The following DOCK3 variants were observed in gnomAD, a reference collection of about 807,000 sequenced individuals.
DOCK3 encodes the protein dedicator of cytokinesis protein 3.
DOCK3 carries 60 observed loss-of-function variants against 265.6 expected under a neutral mutation model. That is an observed-to-expected ratio of 0.23 (90% CI 0.18 to 0.28). DOCK3 has a LOEUF of 0.28. DOCK3 is among the 10% of genes least tolerant of loss of function. The pLI is 1.00. For missense variants in DOCK3, 1,981 were observed against 2,594.3 expected (o/e 0.76, Z 5.14); for synonymous variants, 881 against 938.0 (o/e 0.94, Z 1.11).
At chr3:51,219,267 C>T (rs984479680) in intron 14 of DOCK3, among the ~76,000 whole-genome samples, 8 of 152,220 alleles carry the variant, frequency 5.3e-5, no homozygotes, top group Non-Finnish European at 8.8e-5. Flanking sequence ...TTCTTTCTGA[C>T]GCAGAGATGA....
At chr3:51,280,957 A>G (rs2081078619) in intron 27 of DOCK3, among the ~76,000 whole-genome samples, 1 of 152,184 alleles carries the variant, frequency 6.6e-6, no homozygotes, top group African/African-American at 2.4e-5. Flanking sequence ...AGCTATTGTT[A>G]GTTATTATCT....
intron 1 of DOCK3, chr3:50,719,496 A>G: frequency 2.4e-6 from 2 of 850,506 alleles, no homozygotes; most frequent in Non-Finnish European, 3.8e-6. Flanking sequence ...AATTGTCCAC[A>G]GTCGGCAATG....
chr3:51,121,339 C>G (rs1222997078), intron 9 of DOCK3, among the ~76,000 whole-genome samples: 1 of 152,108 alleles, frequency 6.6e-6, no homozygotes, highest in East Asian at 1.9e-4. Context: ...GTAACCAGTC[C>G]CAGTGAGATG....
intron 24 of DOCK3, among the ~76,000 whole-genome samples, chr3:51,273,695 C>A (rs2080642545): frequency 1.3e-5 from 2 of 152,170 alleles, no homozygotes. Flanking sequence ...TCTTATATGT[C>A]ATGTACTTTG....
chr3:51,304,410 C>A (rs780907316), intron 27 of DOCK3, among the ~76,000 whole-genome samples: 8 of 151,794 alleles, frequency 5.3e-5, no homozygotes, highest in Non-Finnish European at 8.8e-5. Context: ...GTGATGATGA[C>A]CTCCCCTCCC....
At chr3:50,838,470 A>G (rs2045641191) in intron 2 of DOCK3, among the ~76,000 whole-genome samples, 1 of 152,196 alleles carries the variant, frequency 6.6e-6, no homozygotes, top group Non-Finnish European at 1.5e-5. Context: ...TTACTCACCA[A>G]ATGAGACTCT....
At chr3:51,058,366 G>T (rs111998914) in intron 5 of DOCK3, among the ~76,000 whole-genome samples, 471 of 152,256 alleles carry the variant, frequency 3.1e-3, no homozygotes, top group African/African-American at 0.011. Flanking sequence ...TGTCATGGGA[G>T]ATATTGTAGT....
chr3:50,759,595 T>C (rs1484745392), intron 1 of DOCK3, among the ~76,000 whole-genome samples: 2 of 151,376 alleles, frequency 1.3e-5, no homozygotes, highest in African/African-American at 4.9e-5. Flanking sequence ...CCCAGCACTT[T>C]GGGAAGCCAA....
chr3:51,009,796 C>T (rs2108756680), intron 5 of DOCK3, among the ~76,000 whole-genome samples: 1 of 152,138 alleles, frequency 6.6e-6, no homozygotes, highest in Non-Finnish European at 1.5e-5. Context: ...TAAATGTGTC[C>T]CAGTGATTCT....
intron 5 of DOCK3, among the ~76,000 whole-genome samples, chr3:51,061,132 A>AC (rs1393926649): frequency 6.6e-6 from 1 of 152,242 alleles, no homozygotes; most frequent in African/African-American, 2.4e-5. Flanking sequence ...AACTAGTTCA[A>AC]CCATTGTGGA....
chr3:51,340,973 C>G (rs1343171320), intron 37 of DOCK3, among the ~76,000 whole-genome samples: 1 of 152,160 alleles, frequency 6.6e-6, no homozygotes, highest in Non-Finnish European at 1.5e-5. Flanking sequence ...CTGAACCATT[C>G]TTTATTAATC....
At chr3:51,341,512 C>A in intron 38 of DOCK3, 127 bp downstream of exon 38, 1 of 1,315,454 alleles carries the variant, frequency 7.6e-7, no homozygotes, top group Non-Finnish European at 1.1e-6. Flanking sequence ...GGGTGCCTAT[C>A]TATGTGCCTA....
intron 2 of DOCK3, among the ~76,000 whole-genome samples, chr3:50,815,833 C>CATGAATTGGGG (rs2044040914): frequency 3.3e-5 from 5 of 152,136 alleles, no homozygotes; most frequent in African/African-American, 9.7e-5. Flanking sequence ...AGCCTTCATT[C>CATGAATTGGGG]TACAAAATGG....
chr3:50,710,607 C>T (rs1490754212), intron 1 of DOCK3, among the ~76,000 whole-genome samples: 1 of 152,144 alleles, frequency 6.6e-6, no homozygotes, highest in Non-Finnish European at 1.5e-5. Flanking sequence ...ATGGAGATTC[C>T]TTAAATAACT....
intron 27 of DOCK3, among the ~76,000 whole-genome samples, chr3:51,289,000 G>T (rs1458763501): frequency 6.6e-6 from 1 of 151,808 alleles, no homozygotes; most frequent in Non-Finnish European, 1.5e-5. Flanking sequence ...CCTGGGGGAA[G>T]AGAGATGAGA....
chr3:51,064,611 T>G lies in DOCK3; in HGVS notation c.464+15T>G. 1.9e-6 allele frequency: 3 copies of G among 1,610,800 alleles called. No homozygotes were observed. Among genetic ancestry groups the G allele is most frequent in the Non-Finnish European group, 2.5e-6 (3 of 1,177,430 alleles). On this transcript the variant is annotated intron_variant, in intron 6 of 52. Transcript: ENST00000266037. ...TGGGGTAATGAGTAAGTATGAAAATTGTTTGGGTATCTCTCAGTTTCATTT... is the reference window on the plus strand; with the variant it reads ...TGGGGTAATGAGTAAGTATGAAAATGGTTTGGGTATCTCTCAGTTTCATTT...
chr3:50,824,180 A>G (rs10510754), intron 2 of DOCK3, among the ~76,000 whole-genome samples: 116,739 of 152,110 alleles, frequency 0.77, 45,747 homozygotes, highest in Middle Eastern at 0.88. Context: ...GGCTACTTTA[A>G]TAAGTGAATA....
chr3:50,873,792 A>G (rs1252384930), intron 3 of DOCK3, among the ~76,000 whole-genome samples: 2 of 152,238 alleles, frequency 1.3e-5, no homozygotes, highest in East Asian at 1.9e-4. Flanking sequence ...ACATCAGCCA[A>G]ATTTATTCTG....
intron 5 of DOCK3, among the ~76,000 whole-genome samples, chr3:50,979,357 G>A (rs963247680): frequency 8.5e-5 from 13 of 152,182 alleles, no homozygotes; most frequent in African/African-American, 2.9e-4. Flanking sequence ...ATGTTGAAAT[G>A]TTATCCCAAT....
Sources: gnomAD v4.1 joint callset for allele counts (sites outside exome capture counted in the v4.1 genomes callset) on GRCh38, gnomAD v4.1.1 for gene constraint, MANE v1.5 for transcripts, NCBI Gene and HGNC (gene_info 2026-07-23, HGNC 2026-07-21) for gene names.